GALNT13: variants seen among roughly 807,000 people sequenced by gnomAD.
GALNT13 encodes polypeptide N-acetylgalactosaminyltransferase 13.
A neutral mutation model predicts 64.2 loss-of-function variants in GALNT13; 28 were observed. The ratio of observed to expected loss-of-function variants is 0.44; its 90% CI spans 0.32 to 0.60. The LOEUF is 0.60. Ranked by LOEUF, GALNT13 falls within the 20% of genes least tolerant of loss-of-function variation. The pLI, the probability that GALNT13 is intolerant of heterozygous loss-of-function variation, is 0.05. For missense variants in GALNT13, 577 were observed against 669.8 expected, an observed-to-expected ratio of 0.86 and a Z score of 1.53; for synonymous variants, 214 against 224.6, an observed-to-expected ratio of 0.95 and a Z score of 0.42.
At chr2:153,475,083 C>T in the GALNT13 span, among the ~76,000 whole-genome samples, 7 of 152,174 alleles carry the variant, frequency 4.6e-5, no homozygotes, top group African/African-American at 1.7e-4. Context: ...GAGTCAAAGG[C>T]AGAGTGAAAG....
the GALNT13 span, among the ~76,000 whole-genome samples, chr2:153,564,648 CAATG>C: frequency 1.3e-5 from 2 of 150,794 alleles, no homozygotes; most frequent in Non-Finnish European, 2.9e-5. Flanking sequence ...TAAAAAACCT[CAATG>C]AAGTCTGAAC....
the GALNT13 span, chr2:153,478,058 GCATGAGGA>G: frequency 1.6e-6 from 1 of 606,628 alleles, no homozygotes; most frequent in South Asian, 2.0e-5. Context: ...CGACTGCCAG[GCATGAGGA>G]CTTTCAGAGG....
intron 2 of GALNT13, among the ~76,000 whole-genome samples, chr2:153,918,614 C>T (rs1689550874): frequency 6.6e-6 from 1 of 152,080 alleles, no homozygotes; most frequent in African/African-American, 2.4e-5. Context: ...TCTATTGATG[C>T]CTCTTCCTCT....
chr2:153,657,107 G>A, the GALNT13 span, among the ~76,000 whole-genome samples: 10 of 152,074 alleles, frequency 6.6e-5, no homozygotes, highest in Middle Eastern at 3.2e-3. Flanking sequence ...GAAGTTATGG[G>A]CTCTACCATA....
intron 9 of GALNT13, among the ~76,000 whole-genome samples, chr2:154,393,757 A>T (rs892270418): frequency 2.6e-5 from 4 of 152,156 alleles, no homozygotes; most frequent in Admixed American, 2.6e-4. Flanking sequence ...TGAAGTGGAC[A>T]ATTAATGTTT....
At chr2:153,738,031 CTCTGT>C in the GALNT13 span, among the ~76,000 whole-genome samples, 6 of 151,876 alleles carry the variant, frequency 4.0e-5, no homozygotes, top group Non-Finnish European at 7.4e-5. Flanking sequence ...ATCTCTCTTG[CTCTGT>C]TTTGTTTTGC....
At chr2:153,162,234 G>T in the GALNT13 span, among the ~76,000 whole-genome samples, 2 of 151,916 alleles carry the variant, frequency 1.3e-5, no homozygotes, top group African/African-American at 4.8e-5. Context: ...CTTGGTACAG[G>T]GTTATTTTTT....
At chr2:153,252,653 G>A in the GALNT13 span, among the ~76,000 whole-genome samples, 2 of 152,202 alleles carry the variant, frequency 1.3e-5, no homozygotes, top group Non-Finnish European at 2.9e-5. Context: ...TTTGTATAAT[G>A]TGTAAGGAAG....
the GALNT13 span, among the ~76,000 whole-genome samples, chr2:153,302,119 A>G: frequency 6.6e-6 from 1 of 152,040 alleles, no homozygotes; most frequent in Non-Finnish European, 1.5e-5. Flanking sequence ...GTTTTTTGAG[A>G]CATCTCCATA....
At chr2:154,371,726 C>G (rs1270029890) in intron 9 of GALNT13, among the ~76,000 whole-genome samples, 1 of 149,356 alleles carries the variant, frequency 6.7e-6, no homozygotes, top group Non-Finnish European at 1.5e-5. Flanking sequence ...TACTCTGATC[C>G]TGAGTAGGGA....
chr2:153,285,346 A>G, the GALNT13 span, among the ~76,000 whole-genome samples: 12 of 152,164 alleles, frequency 7.9e-5, no homozygotes, highest in African/African-American at 2.7e-4. Context: ...TATCATAGGT[A>G]TACATATACA....
At position 154,260,636 on chromosome 2, in the gene GALNT13, G is replaced by A. The variant is rs140180570; in HGVS notation, c.975+1498G>A. Among the ~76,000 whole-genome samples, 133 of 152,280 alleles carry A rather than the reference G, an allele frequency of 8.7e-4. 3 individuals carry two copies. The East Asian group carries it at 0.019, about 22-fold the overall frequency. On this transcript the variant is annotated intron_variant, in intron 8 of 12. Transcript: ENST00000392825. The stretch of plus-strand genomic sequence containing the variant: ...CTTCTTGCCTTCAGGTCCATGGACA[G>A]TAACTCTTTGCAGGAATTTTGAGGA...
At chr2:153,655,087 G>A in the GALNT13 span, among the ~76,000 whole-genome samples, 1 of 152,076 alleles carries the variant, frequency 6.6e-6, no homozygotes, top group South Asian at 2.1e-4. Flanking sequence ...TTTAGATTAA[G>A]GAGAGGTATT....
intron 3 of GALNT13, among the ~76,000 whole-genome samples, chr2:153,991,341 A>G (rs981904292): frequency 1.3e-5 from 2 of 152,178 alleles, no homozygotes; most frequent in African/African-American, 2.4e-5. Flanking sequence ...AAGCCTGAAT[A>G]GACAGCTGGA....
At chr2:153,146,441 C>G in the GALNT13 span, among the ~76,000 whole-genome samples, 1 of 151,796 alleles carries the variant, frequency 6.6e-6, no homozygotes, top group Non-Finnish European at 1.5e-5. Context: ...CTAAGAGCCC[C>G]GAAAGTCATG....
the GALNT13 span, among the ~76,000 whole-genome samples, chr2:153,110,477 G>T: frequency 6.6e-6 from 1 of 152,024 alleles, no homozygotes; most frequent in Non-Finnish European, 1.5e-5. Context: ...AATTTGGTCT[G>T]TTTTTTTCCT....
intron 10 of GALNT13, among the ~76,000 whole-genome samples, chr2:154,400,259 A>G (rs1157731045): frequency 6.6e-6 from 1 of 152,190 alleles, no homozygotes; most frequent in Non-Finnish European, 1.5e-5. Flanking sequence ...TTAAATAATT[A>G]GAGTCCCAAA....
the GALNT13 span, among the ~76,000 whole-genome samples, chr2:153,730,023 T>C: frequency 6.6e-6 from 1 of 151,840 alleles, no homozygotes; most frequent in African/African-American, 2.4e-5. Context: ...CCCAAAGCAA[T>C]CTACAGATTC....
At chr2:154,164,571 T>C (rs1405263685) in intron 4 of GALNT13, among the ~76,000 whole-genome samples, 1 of 152,090 alleles carries the variant, frequency 6.6e-6, no homozygotes, top group African/African-American at 2.4e-5. Flanking sequence ...GGATGTGAGA[T>C]TCAGGAGAAC....
Sources: gnomAD v4.1 joint callset for allele counts (sites outside exome capture counted in the v4.1 genomes callset) on GRCh38, gnomAD v4.1.1 for gene constraint, MANE v1.5 for transcripts, NCBI Gene and HGNC (gene_info 2026-07-23, HGNC 2026-07-21) for gene names.